UNC5C: variants seen among roughly 807,000 people sequenced by gnomAD.
UNC5C encodes the protein unc-5 netrin receptor C.
Under a neutral mutation model 99.8 loss-of-function variants are expected in UNC5C, and 47 were observed. That is an observed-to-expected ratio of 0.47 (90% CI 0.37 to 0.60). The LOEUF (loss-of-function observed/expected upper bound fraction) is 0.60, where lower values mean the gene tolerates loss of function less well. Among genes scored for constraint, UNC5C ranks in the 20% least tolerant of loss-of-function variants. The pLI is 0.00. For missense variants in UNC5C, 1,062 were observed against 1,165.9 expected, an observed-to-expected ratio of 0.91 and a Z score of 1.30; for synonymous variants, 487 against 452.2, an observed-to-expected ratio of 1.08 and a Z score of -0.98.
rs1308569229 is a variant in UNC5C, at chr4:95,278,364, T to C, written c.491-2A>G. 6.2e-7 allele frequency: 1 copy of C among 1,611,988 alleles called. No individual in the cohort carries two copies. Among genetic ancestry groups the C allele is most frequent in the Non-Finnish European group, 8.5e-7 (1 of 1,178,102 alleles). On this transcript the variant is annotated splice_acceptor_variant, in intron 3 of 15. Coordinates refer to ENST00000453304, the MANE Select transcript of UNC5C (RefSeq NM_003728.4). LOFTEE classifies it high-confidence loss of function. ...CCTGCTCAAATGTCTTCCGTAGATC[T>C]GGAACGTAAAAGTGACAAAATACAT...
At chr4:95,484,907 T>C (rs1721280317) in intron 1 of UNC5C, among the ~76,000 whole-genome samples, 1 of 151,864 alleles carries the variant, frequency 6.6e-6, no homozygotes, top group South Asian at 2.1e-4. Context: ...ATGTTATTTT[T>C]ATAGGAAATT....
At chr4:95,250,734 C>A (rs2149382058) in intron 4 of UNC5C, 67 bp from the exon 5 acceptor site, 1 of 1,499,912 alleles carries the variant, frequency 6.7e-7, no homozygotes, top group Non-Finnish European at 9.1e-7. Flanking sequence ...CTGTCCTAAC[C>A]TGCATTTTGT....
intron 4 of UNC5C, among the ~76,000 whole-genome samples, chr4:95,271,430 T>C (rs937206025): frequency 6.6e-6 from 1 of 151,982 alleles, no homozygotes; most frequent in Non-Finnish European, 1.5e-5. Context: ...GGGGTTTCAC[T>C]GTGTTAGCCA....
intron 2 of UNC5C, among the ~76,000 whole-genome samples, chr4:95,325,411 A>G (rs1329918035): frequency 1.3e-5 from 2 of 151,416 alleles, no homozygotes; most frequent in East Asian, 3.9e-4. Context: ...GAAGGGGAGT[A>G]TAAGCAAGAC....
intron 4 of UNC5C, among the ~76,000 whole-genome samples, chr4:95,258,312 A>G (rs1472126123): frequency 1.3e-5 from 2 of 152,190 alleles, no homozygotes; most frequent in Non-Finnish European, 2.9e-5. Flanking sequence ...GGTCATTTCA[A>G]TGCTTTTTGT....
chr4:95,522,833 C>G (rs551555905), intron 1 of UNC5C, among the ~76,000 whole-genome samples: 10 of 152,272 alleles, frequency 6.6e-5, no homozygotes, highest in Admixed American at 5.9e-4. Context: ...TTCTATGTCA[C>G]ATGTTCTCGT....
chr4:95,429,660 A>G (rs1746580911), intron 1 of UNC5C, among the ~76,000 whole-genome samples: 1 of 152,264 alleles, frequency 6.6e-6, no homozygotes, highest in Admixed American at 6.5e-5. Flanking sequence ...CATTCACAAC[A>G]GTGGAGTCAA....
chr4:95,460,602 C>G (rs1747571847), intron 1 of UNC5C, among the ~76,000 whole-genome samples: 1 of 152,190 alleles, frequency 6.6e-6, no homozygotes, highest in Non-Finnish European at 1.5e-5. Flanking sequence ...CCATGTAAGT[C>G]ATGCCTTTTG....
chr4:95,211,990 T>G (rs535641572), intron 10 of UNC5C, among the ~76,000 whole-genome samples: 23 of 152,294 alleles, frequency 1.5e-4, no homozygotes, highest in Middle Eastern at 3.4e-3. Context: ...AGGACTCTAC[T>G]AAAAGGAGAA....
intron 1 of UNC5C, among the ~76,000 whole-genome samples, chr4:95,371,688 A>C (rs187056822): frequency 6.6e-6 from 1 of 152,286 alleles, no homozygotes; most frequent in East Asian, 1.9e-4. Context: ...TGTGCAAAGC[A>C]CTGGAAACAC....
intron 1 of UNC5C, among the ~76,000 whole-genome samples, chr4:95,408,772 T>G (rs1401757566): frequency 1.3e-5 from 2 of 152,194 alleles, no homozygotes; most frequent in Non-Finnish European, 2.9e-5. Context: ...GAGAGATTTT[T>G]AAAGACAGAA....
At chr4:95,208,605 A>T (rs551788541) in intron 10 of UNC5C, among the ~76,000 whole-genome samples, 1 of 152,304 alleles carries the variant, frequency 6.6e-6, no homozygotes, top group South Asian at 2.1e-4. Flanking sequence ...CTAACCATTG[A>T]TAACTTTGCA....
rs375215026 is a variant in UNC5C, at chr4:95,362,656, T to C, written c.125-27025A>G. ...GCACCCGCAGGATTCCTCACTGTTA[T>C]ATCATGTGACAACTGAGCTGACATA... On this transcript the variant is annotated intron_variant, in intron 1 of 15. Coordinates refer to ENST00000453304, the MANE Select transcript of UNC5C (RefSeq NM_003728.4). Among the ~76,000 whole-genome samples, 25 of 152,334 alleles carry C rather than the reference T, an allele frequency of 1.6e-4. No homozygotes were observed. In the South Asian group the frequency reaches 4.4e-3, roughly 27 times the overall value.
intron 1 of UNC5C, among the ~76,000 whole-genome samples, chr4:95,436,256 G>T (rs1746784879): frequency 6.6e-6 from 1 of 151,388 alleles, no homozygotes; most frequent in South Asian, 2.1e-4. Flanking sequence ...ATAACCCATA[G>T]TATATTTTTC....
chr4:95,287,495 C>G (rs1259857503), intron 3 of UNC5C, among the ~76,000 whole-genome samples: 1 of 152,170 alleles, frequency 6.6e-6, no homozygotes, highest in Non-Finnish European at 1.5e-5. Flanking sequence ...TAGCAGGAAA[C>G]AGTTAAGAGT....
At chr4:95,237,734 T>C (rs1461231680) in intron 7 of UNC5C, among the ~76,000 whole-genome samples, 1 of 152,088 alleles carries the variant, frequency 6.6e-6, no homozygotes, top group Non-Finnish European at 1.5e-5. Context: ...GTAAAAGCCA[T>C]TAATTGGACA....
intron 1 of UNC5C, among the ~76,000 whole-genome samples, chr4:95,370,777 C>T (rs1579364481): frequency 6.6e-6 from 1 of 152,290 alleles, no homozygotes; most frequent in East Asian, 1.9e-4. Flanking sequence ...AGTAAGACAA[C>T]AGCATCATAA....
chr4:95,215,912 C>T (rs530458276), intron 10 of UNC5C: 1 of 408,372 alleles, frequency 2.4e-6, no homozygotes, highest in East Asian at 4.4e-5. Context: ...AGATCTCTAG[C>T]CTTCTACCCA....
intron 12 of UNC5C, among the ~76,000 whole-genome samples, chr4:95,196,574 A>G (rs1049514082): frequency 5.3e-5 from 8 of 151,006 alleles, no homozygotes; most frequent in Non-Finnish European, 8.8e-5. Context: ...GTTTCAGGTG[A>G]CCATTTTTGC....
Sources: allele counts gnomAD v4.1 joint callset (sites outside exome capture counted in the v4.1 genomes callset), GRCh38; gene constraint gnomAD v4.1.1; transcripts MANE v1.5; gene names NCBI Gene and HGNC (gene_info 2026-07-23, HGNC 2026-07-21).